The following CFAP210 variants were observed in gnomAD, a reference collection of about 807,000 sequenced individuals.
The protein encoded by CFAP210 is cilia and flagella associated protein 210.
the CFAP210 span, among the ~76,000 whole-genome samples, chr2:169,671,607 T>C: frequency 6.6e-6 from 1 of 152,200 alleles, no homozygotes; most frequent in African/African-American, 2.4e-5. Context: ...TAGCTAAGAT[T>C]ACAGGCATGT....
chr2:169,669,772 C>CG, the CFAP210 span, among the ~76,000 whole-genome samples: 1 of 111,556 alleles, frequency 9.0e-6, no homozygotes, highest in African/African-American at 3.8e-5. Flanking sequence ...GAGACTCCGT[C>CG]TTAAAAAAAA....
chr2:169,663,622 C>T, the CFAP210 span, among the ~76,000 whole-genome samples: 1 of 151,974 alleles, frequency 6.6e-6, no homozygotes, highest in Non-Finnish European at 1.5e-5. Context: ...TTAAGTGAGC[C>T]AACAAGTTCA....
chr2:169,681,165 G>T, the CFAP210 span: 325 of 1,613,908 alleles, frequency 2.0e-4, no homozygotes, highest in African/African-American at 4.0e-3. Context: ...ATGGTGACCT[G>T]CTGGAGATCT....
At chr2:169,655,104 G>C in the CFAP210 span, among the ~76,000 whole-genome samples, 2 of 152,158 alleles carry the variant, frequency 1.3e-5, no homozygotes, top group Non-Finnish European at 1.5e-5. Context: ...CATAAAAACA[G>C]ATGCCATTGA....
At chr2:169,680,155 G>A in the CFAP210 span, among the ~76,000 whole-genome samples, 2 of 152,172 alleles carry the variant, frequency 1.3e-5, no homozygotes, top group Non-Finnish European at 2.9e-5. Context: ...TTCAGGAAGA[G>A]ATATTCAACA....
At chr2:169,677,615 TA>T in the CFAP210 span, among the ~76,000 whole-genome samples, 13 of 152,208 alleles carry the variant, frequency 8.5e-5, no homozygotes, top group African/African-American at 2.4e-4. Context: ...GCATCATACT[TA>T]AAGGTGAAAG....
At chr2:169,649,437 G>C in the CFAP210 span, 2 of 1,195,154 alleles carry the variant, frequency 1.7e-6, no homozygotes, top group East Asian at 4.7e-5. Context: ...TTGAAGCAGA[G>C]GAGAGTCAGC....
At chr2:169,679,918 T>C in the CFAP210 span, among the ~76,000 whole-genome samples, 1 of 152,130 alleles carries the variant, frequency 6.6e-6, no homozygotes, top group Non-Finnish European at 1.5e-5. Context: ...TGATAAACCA[T>C]ACTTCACTAA....
the CFAP210 span, among the ~76,000 whole-genome samples, chr2:169,653,056 A>G: frequency 4.3e-3 from 438 of 101,992 alleles, 9 homozygotes; most frequent in African/African-American, 0.016. Context: ...ATATATATAT[A>G]TATATATATA....
At chr2:169,649,446 G>T in the CFAP210 span, 3 of 1,085,818 alleles carry the variant, frequency 2.8e-6, no homozygotes, top group Middle Eastern at 3.0e-4. Flanking sequence ...AGGAGAGTCA[G>T]CCAGGAGCAA....
chr2:169,685,420 T>C, the CFAP210 span, among the ~76,000 whole-genome samples: 3 of 152,232 alleles, frequency 2.0e-5, no homozygotes, highest in African/African-American at 7.2e-5. Context: ...TGGAGAAATA[T>C]CAGTTCAAAT....
chr2:169,680,600 A>T, the CFAP210 span, among the ~76,000 whole-genome samples: 8 of 152,356 alleles, frequency 5.3e-5, no homozygotes, highest in Admixed American at 4.6e-4. Context: ...ATAAAAATTA[A>T]CAATTGATAC....
chr2:169,666,412 G>T, the CFAP210 span, among the ~76,000 whole-genome samples: 2 of 151,080 alleles, frequency 1.3e-5, no homozygotes, highest in Admixed American at 6.6e-5. Context: ...TTCCAAACTA[G>T]TGCAATAAAA....
chr2:169,664,932 C>T, the CFAP210 span, among the ~76,000 whole-genome samples: 1 of 152,126 alleles, frequency 6.6e-6, no homozygotes, highest in Non-Finnish European at 1.5e-5. Context: ...AGACCACTAC[C>T]CAAAATTTGG....
the CFAP210 span, among the ~76,000 whole-genome samples, chr2:169,653,171 AT>A: frequency 2.0e-5 from 3 of 149,480 alleles, no homozygotes; most frequent in Non-Finnish European, 4.4e-5. Flanking sequence ...AGGGGGTATA[AT>A]TTTAAATAAA....
chr2:169,691,669 G>A, the CFAP210 span, among the ~76,000 whole-genome samples: 2 of 152,084 alleles, frequency 1.3e-5, no homozygotes, highest in Non-Finnish European at 2.9e-5. Context: ...CCTTTTTCTT[G>A]TGTTTGGGTC....
chr2:169,689,048 A>G, the CFAP210 span, among the ~76,000 whole-genome samples: 1 of 152,216 alleles, frequency 6.6e-6, no homozygotes, highest in Admixed American at 6.5e-5. Context: ...TGGTGGTGGC[A>G]AGAGAAAATG....
chr2:169,662,589 T>C, the CFAP210 span, among the ~76,000 whole-genome samples: 1 of 152,204 alleles, frequency 6.6e-6, no homozygotes, highest in African/African-American at 2.4e-5. Flanking sequence ...TAAATAGCAG[T>C]GACTAAAACT....
chr2:169,681,296 G>C, the CFAP210 span: 1 of 1,203,842 alleles, frequency 8.3e-7, no homozygotes, highest in Non-Finnish European at 1.2e-6. Flanking sequence ...ATATTCGTCT[G>C]AGAAGTTCCG....
Sources: allele counts gnomAD v4.1 joint callset (sites outside exome capture counted in the v4.1 genomes callset), GRCh38; gene constraint gnomAD v4.1.1; transcripts MANE v1.5; gene names NCBI Gene and HGNC (gene_info 2026-07-23, HGNC 2026-07-21).